Variants in ZFHX4 observed in about 807,000 individuals in gnomAD.
The protein encoded by ZFHX4 is zinc finger homeobox 4.
In ZFHX4, 56 loss-of-function variants were observed where a neutral mutation model predicts 267.6. That is an observed-to-expected ratio of 0.21 (90% confidence interval 0.17 to 0.26). ZFHX4 has a LOEUF of 0.26. Among genes scored for constraint, ZFHX4 ranks in the 10% least tolerant of loss-of-function variants. ZFHX4 has a pLI of 1.00. For synonymous variants in ZFHX4, 1,778 were observed against 1,665.6 expected (o/e 1.07, Z -1.64); for missense variants, 4,332 against 4,420.0 (o/e 0.98, Z 0.56).
chr8:76,706,632 A>T lies in ZFHX4; in HGVS notation c.2544A>T (p.Pro848=). 6.2e-7 allele frequency: 1 copy of T among 1,604,806 alleles called. No individual in the cohort carries two copies. The highest frequency in any genetic ancestry group is 8.5e-7 in the Non-Finnish European group (1 of 1,176,520). The change falls in exon 2 of 11, where the codon CCA becomes CCT. Residue 848 remains proline, a synonymous_variant. Transcript: ENST00000651372. ...NPADPQLMIN[P]FQLDPATAAA... Reference sequence around the variant, plus strand: ...CCGACCCTCAGCTGATGATCAATCCATTCCAGCTGGATCCAGCGACAGCAG... The same window carrying T: ...CCGACCCTCAGCTGATGATCAATCCTTTCCAGCTGGATCCAGCGACAGCAG...
intron 4 of ZFHX4, among the ~76,000 whole-genome samples, chr8:76,806,081 T>G (rs1811237275): frequency 6.6e-6 from 1 of 152,130 alleles, no homozygotes; most frequent in African/African-American, 2.4e-5. Flanking sequence ...TTTATAGGAA[T>G]CACTGGGTTT....
At chr8:76,849,337 T>C (rs537793716) in intron 7 of ZFHX4, among the ~76,000 whole-genome samples, 175 bp from the exon 8 acceptor site, 1 of 152,342 alleles carries the variant, frequency 6.6e-6, no homozygotes, top group East Asian at 1.9e-4. Context: ...GGAATGGTCT[T>C]AGTACAAGAA....
At chr8:76,728,389 A>G (rs1453226711) in intron 3 of ZFHX4, among the ~76,000 whole-genome samples, 1 of 152,190 alleles carries the variant, frequency 6.6e-6, no homozygotes, top group African/African-American at 2.4e-5. Flanking sequence ...CTGGTTTCCA[A>G]TATCTTCCTT....
At chr8:76,811,714 A>AGATAAAC in intron 4 of ZFHX4, among the ~76,000 whole-genome samples, 1 of 152,224 alleles carries the variant, frequency 6.6e-6, no homozygotes, top group African/African-American at 2.4e-5. Flanking sequence ...ATAAACATAC[A>AGATAAAC]ATCAGATGCT....
intron 1 of ZFHX4, among the ~76,000 whole-genome samples, chr8:76,687,343 T>A (rs1807716620): frequency 6.6e-6 from 1 of 152,228 alleles, no homozygotes; most frequent in Admixed American, 6.5e-5. Context: ...TTCCCTTGTG[T>A]GAGAATTTGC....
intron 3 of ZFHX4, among the ~76,000 whole-genome samples, chr8:76,761,739 T>C (rs1239912735): frequency 3.3e-5 from 5 of 152,190 alleles, no homozygotes; most frequent in Non-Finnish European, 7.4e-5. Flanking sequence ...TGGGATGTTT[T>C]ACAGAGAAGA....
intron 4 of ZFHX4, among the ~76,000 whole-genome samples, chr8:76,779,864 CCT>C (rs1307675474): frequency 1.3e-5 from 2 of 151,960 alleles, no homozygotes; most frequent in African/African-American, 4.8e-5. Context: ...TTTAGCAGTT[CCT>C]TGATGTTAAT....
At chr8:76,683,407 C>A (rs58357751) in intron 1 of ZFHX4, 20,181 of 146,008 alleles carry the variant, frequency 0.14, 2,001 homozygotes, top group East Asian at 0.32. Flanking sequence ...ACATCCCCCC[C>A]CACACACACA....
chr8:76,861,135 T>C (rs1812855639), intron 10 of ZFHX4, among the ~76,000 whole-genome samples: 2 of 152,294 alleles, frequency 1.3e-5, no homozygotes, highest in South Asian at 4.1e-4. Flanking sequence ...GGGCCATCTT[T>C]ATTTAAATTT....
At chr8:76,703,142 A>T (rs758862209) in intron 1 of ZFHX4, among the ~76,000 whole-genome samples, 111 of 152,022 alleles carry the variant, frequency 7.3e-4, no homozygotes, top group East Asian at 2.1e-3. Flanking sequence ...AAAAAACTTT[A>T]AAAAAAATGA....
intron 3 of ZFHX4, among the ~76,000 whole-genome samples, chr8:76,762,302 G>T (rs543829828): frequency 6.6e-6 from 1 of 152,176 alleles, no homozygotes; most frequent in Non-Finnish European, 1.5e-5. Flanking sequence ...TTAGGCATAA[G>T]AACTTCTAGC....
chr8:76,823,424 G>A (rs1811705629), intron 4 of ZFHX4, among the ~76,000 whole-genome samples: 1 of 152,138 alleles, frequency 6.6e-6, no homozygotes, highest in South Asian at 2.1e-4. Flanking sequence ...TCATGGATAT[G>A]CATAAGTATT....
chr8:76,826,883 G>C (rs1317765915), intron 4 of ZFHX4, among the ~76,000 whole-genome samples: 1 of 152,150 alleles, frequency 6.6e-6, no homozygotes, highest in Non-Finnish European at 1.5e-5. Context: ...AATAAAAGCT[G>C]GTTTTGAGAT....
chr8:76,759,325 A>C (rs910205473), intron 3 of ZFHX4, among the ~76,000 whole-genome samples: 7 of 152,208 alleles, frequency 4.6e-5, no homozygotes, highest in Non-Finnish European at 7.3e-5. Context: ...TCTTGGTCTT[A>C]ATCATTACTC....
chr8:76,835,824 T>C (rs1463689511), intron 5 of ZFHX4, among the ~76,000 whole-genome samples: 1 of 152,190 alleles, frequency 6.6e-6, no homozygotes, highest in African/African-American at 2.4e-5. Flanking sequence ...TATTGCTTTG[T>C]AAACAAAGAC....
intron 4 of ZFHX4, among the ~76,000 whole-genome samples, chr8:76,803,246 G>T (rs1811162560): frequency 6.6e-6 from 1 of 151,706 alleles, no homozygotes; most frequent in Non-Finnish European, 1.5e-5. Context: ...TTGTGTGTGT[G>T]TGCATGCGCG....
At chr8:76,831,309 A>G (rs1320888726) in intron 4 of ZFHX4, among the ~76,000 whole-genome samples, 6 of 152,164 alleles carry the variant, frequency 3.9e-5, no homozygotes, top group Non-Finnish European at 8.8e-5. Context: ...TGAAATGTGT[A>G]TGTGGGGGTA....
intron 4 of ZFHX4, among the ~76,000 whole-genome samples, chr8:76,811,480 TTC>T (rs1417714771): frequency 6.6e-6 from 1 of 152,220 alleles, no homozygotes; most frequent in Non-Finnish European, 1.5e-5. Flanking sequence ...TTGTGTGGTA[TTC>T]TCTGTTAGAG....
intron 3 of ZFHX4, among the ~76,000 whole-genome samples, chr8:76,762,463 T>A (rs1809940709): frequency 2.0e-5 from 3 of 152,164 alleles, no homozygotes; most frequent in South Asian, 4.1e-4. Flanking sequence ...AAGTTTAAAG[T>A]GATTGTTTTC....
Sources: gnomAD v4.1 joint callset for allele counts (sites outside exome capture counted in the v4.1 genomes callset) on GRCh38, gnomAD v4.1.1 for gene constraint, MANE v1.5 for transcripts, NCBI Gene and HGNC (gene_info 2026-07-23, HGNC 2026-07-21) for gene names.